NAALADL2: variants seen among roughly 807,000 people sequenced by gnomAD.
The protein encoded by NAALADL2 is N-acetylated alpha-linked acidic dipeptidase like 2.
NAALADL2 carries 76 observed loss-of-function variants against 87.2 expected under a neutral mutation model. The observed-to-expected ratio is 0.87, with a 90% CI of 0.72 to 1.05. The LOEUF (loss-of-function observed/expected upper bound fraction) is 1.05. Among genes scored for constraint, NAALADL2 ranks in the 50% least tolerant of loss-of-function variants. The pLI is 0.00. For synonymous variants in NAALADL2, 354 were observed against 331.0 expected, an observed-to-expected ratio of 1.07 and a Z score of -0.75; for missense variants, 1,089 against 945.8, an observed-to-expected ratio of 1.15 and a Z score of -1.99.
intron 11 of NAALADL2, among the ~76,000 whole-genome samples, chr3:175,694,859 A>T (rs1347394064): frequency 6.6e-6 from 1 of 152,134 alleles, no homozygotes; most frequent in African/African-American, 2.4e-5. Flanking sequence ...ATTCAGGTAA[A>T]TGAGTTATTT....
intron 3 of NAALADL2, among the ~76,000 whole-genome samples, chr3:174,847,377 C>T (rs1485515130): frequency 2.0e-5 from 3 of 152,116 alleles, no homozygotes; most frequent in Non-Finnish European, 2.9e-5. Flanking sequence ...TATAAAATGC[C>T]TGGTTCTAAT....
At chr3:175,378,700 T>G (rs978350450) in intron 5 of NAALADL2, among the ~76,000 whole-genome samples, 1 of 152,172 alleles carries the variant, frequency 6.6e-6, no homozygotes, top group Non-Finnish European at 1.5e-5. Context: ...AACTGGAAAG[T>G]GTTTCTGGGT....
chr3:174,956,053 G>T (rs761016347), intron 1 of NAALADL2, among the ~76,000 whole-genome samples: 1 of 152,004 alleles, frequency 6.6e-6, no homozygotes, highest in Non-Finnish European at 1.5e-5. Flanking sequence ...CACAAAATAT[G>T]ATATGGAAAA....
intron 2 of NAALADL2, among the ~76,000 whole-genome samples, chr3:174,731,493 A>G (rs1468930037): frequency 2.6e-5 from 4 of 152,170 alleles, no homozygotes; most frequent in Non-Finnish European, 4.4e-5. Context: ...CTGGTGAAAC[A>G]TAATTAATAT....
chr3:175,438,233 C>T (rs575969280), intron 5 of NAALADL2, among the ~76,000 whole-genome samples: 21 of 151,998 alleles, frequency 1.4e-4, no homozygotes, highest in African/African-American at 2.4e-4. Context: ...ACTTTGCTGA[C>T]GTTGACTAGG....
At chr3:174,671,624 T>G (rs541537909) in intron 2 of NAALADL2, among the ~76,000 whole-genome samples, 2 of 152,204 alleles carry the variant, frequency 1.3e-5, no homozygotes, top group Non-Finnish European at 2.9e-5. Flanking sequence ...AAAAATACTA[T>G]CCGGGAAAAA....
intron 3 of NAALADL2, among the ~76,000 whole-genome samples, chr3:174,744,701 A>C (rs1459354365): frequency 6.6e-6 from 1 of 152,150 alleles, no homozygotes; most frequent in East Asian, 1.9e-4. Context: ...AATTGGAAGT[A>C]AACACTCCTC....
At chr3:175,699,662 T>C (rs1354104554) in intron 11 of NAALADL2, among the ~76,000 whole-genome samples, 1 of 152,074 alleles carries the variant, frequency 6.6e-6, no homozygotes, top group African/African-American at 2.4e-5. Flanking sequence ...CTGTTTACCT[T>C]TTATGAAACT....
At chr3:175,475,358 A>T (rs1167919190) in intron 9 of NAALADL2, among the ~76,000 whole-genome samples, 1 of 152,224 alleles carries the variant, frequency 6.6e-6, no homozygotes, top group Admixed American at 6.5e-5. Flanking sequence ...TAATAGTTTT[A>T]AAATTAAGAT....
At chr3:174,917,710 C>A (rs1322236848) in intron 1 of NAALADL2, among the ~76,000 whole-genome samples, 1 of 150,012 alleles carries the variant, frequency 6.7e-6, no homozygotes, top group Non-Finnish European at 1.5e-5. Flanking sequence ...GTCTCACTTT[C>A]ATTTGTTTTA....
chr3:175,264,494 A>G (rs1751595159), intron 4 of NAALADL2, among the ~76,000 whole-genome samples: 1 of 151,832 alleles, frequency 6.6e-6, no homozygotes, highest in African/African-American at 2.4e-5. Flanking sequence ...TCCATTACAG[A>G]CAAAGTATTA....
intron 2 of NAALADL2, among the ~76,000 whole-genome samples, chr3:175,122,436 T>A (rs1726297538): frequency 6.6e-6 from 1 of 151,886 alleles, no homozygotes; most frequent in South Asian, 2.1e-4. Flanking sequence ...ATTAAGTATA[T>A]TCATGTTTAT....
intron 1 of NAALADL2, among the ~76,000 whole-genome samples, chr3:174,870,237 G>A (rs1727651345): frequency 6.6e-6 from 1 of 152,022 alleles, no homozygotes; most frequent in Admixed American, 6.6e-5. Context: ...CAGATTGTAT[G>A]CCACTGGACT....
chr3:175,648,741 C>T (rs1280313357), intron 11 of NAALADL2, among the ~76,000 whole-genome samples: 1 of 152,098 alleles, frequency 6.6e-6, no homozygotes, highest in Non-Finnish European at 1.5e-5. Context: ...TATTGCTGAA[C>T]CTTATTGCAT....
intron 1 of NAALADL2, among the ~76,000 whole-genome samples, chr3:175,065,242 C>A (rs963032041): frequency 1.3e-5 from 2 of 152,122 alleles, no homozygotes; most frequent in Non-Finnish European, 2.9e-5. Context: ...AGACGCTTAA[C>A]AACCTAGTGC....
chr3:175,036,760 C>T lies in NAALADL2; in HGVS notation c.44-60030C>T, dbSNP rs183652178. On this transcript the variant is annotated intron_variant, in intron 1 of 13. Coordinates refer to ENST00000454872, the MANE Select transcript of NAALADL2 (RefSeq NM_207015.3). ...TTTAAAAAATATTTTATTGTTTTTCCTAATGCTCCTGCTGTTGGCCAGTGT... is the reference window on the plus strand; with the variant it reads ...TTTAAAAAATATTTTATTGTTTTTCTTAATGCTCCTGCTGTTGGCCAGTGT... Among the ~76,000 whole-genome samples the T allele has an allele frequency of 9.3e-5, 14 of 150,088 alleles. No individual in the cohort carries two copies. In the East Asian group the frequency reaches 2.5e-3, roughly 27 times the overall value.
chr3:174,524,009 C>CT (rs968903207), intron 1 of NAALADL2, among the ~76,000 whole-genome samples: 16 of 150,492 alleles, frequency 1.1e-4, no homozygotes, highest in Admixed American at 3.3e-4. Flanking sequence ...TTTATTTCTT[C>CT]TTTTTTTTTG....
intron 1 of NAALADL2, among the ~76,000 whole-genome samples, chr3:174,864,433 A>C (rs1726888259): frequency 6.6e-6 from 1 of 152,024 alleles, no homozygotes; most frequent in South Asian, 2.1e-4. Flanking sequence ...TGAAATATGG[A>C]GTTTGTTCCT....
chr3:175,673,754 A>C (rs1039176237), intron 11 of NAALADL2, among the ~76,000 whole-genome samples: 7 of 152,076 alleles, frequency 4.6e-5, no homozygotes, highest in Non-Finnish European at 7.4e-5. Context: ...CACTATAAAA[A>C]TTTCAATCAA....
Sources: gnomAD v4.1 joint callset for allele counts (sites outside exome capture counted in the v4.1 genomes callset) on GRCh38, gnomAD v4.1.1 for gene constraint, MANE v1.5 for transcripts, NCBI Gene and HGNC (gene_info 2026-07-23, HGNC 2026-07-21) for gene names.